RAD51B: variants seen among roughly 807,000 people sequenced by gnomAD.
RAD51B encodes DNA repair protein RAD51 homolog 2.
Under a neutral mutation model 42.2 loss-of-function variants are expected in RAD51B, and 38 were observed. That is an observed-to-expected ratio of 0.90 (90% CI 0.70 to 1.18). RAD51B has a LOEUF of 1.18. Ranked by LOEUF, RAD51B falls within the 50% of genes most tolerant of loss-of-function variation. The pLI is 0.00. For synonymous variants in RAD51B, 154 were observed against 145.2 expected, an observed-to-expected ratio of 1.06 and a Z score of -0.43; for missense variants, 373 against 400.7, an observed-to-expected ratio of 0.93 and a Z score of 0.59.
At chr14:67,965,267 T>C (rs1284170165) in intron 7 of RAD51B, among the ~76,000 whole-genome samples, 2 of 152,214 alleles carry the variant, frequency 1.3e-5, no homozygotes, top group East Asian at 3.8e-4. Context: ...TCCCTTGGTC[T>C]TCACAACCAA....
At chr14:68,275,029 ATCT>A (rs530578164) in intron 7 of RAD51B, among the ~76,000 whole-genome samples, 122 of 152,308 alleles carry the variant, frequency 8.0e-4, no homozygotes, top group African/African-American at 2.6e-3. Flanking sequence ...TGGCAGCCTG[ATCT>A]TCTTCCCATG....
At chr14:68,558,596 G>A (rs1417468489) in intron 10 of RAD51B, among the ~76,000 whole-genome samples, 1 of 152,118 alleles carries the variant, frequency 6.6e-6, no homozygotes, top group South Asian at 2.1e-4. Context: ...TCCCGTCACT[G>A]CTGTCATCTT....
At chr14:67,989,513 C>CA (rs2075252498) in intron 7 of RAD51B, among the ~76,000 whole-genome samples, 1 of 151,760 alleles carries the variant, frequency 6.6e-6, no homozygotes, top group Admixed American at 6.6e-5. Context: ...TGGCACATGC[C>CA]AGTAATCCCA....
intron 9 of RAD51B, among the ~76,000 whole-genome samples, chr14:68,428,570 T>C (rs1238143533): frequency 6.6e-6 from 1 of 151,790 alleles, no homozygotes; most frequent in East Asian, 1.9e-4. Context: ...TTCATCATTC[T>C]ACTCTGTTTC....
chr14:67,887,215 C>G lies in RAD51B; in HGVS notation c.756+11C>G, dbSNP rs2043085962. The G allele has an allele frequency of 6.4e-7, 1 of 1,570,434 alleles. No homozygotes were observed. Among genetic ancestry groups the G allele is most frequent in the African/African-American group, 1.4e-5 (1 of 73,264 alleles). ...GAGTTTTCAATCCCAGTAAGTTTTTCTTTTTTTCTCTTTTTTCTTTTCCTT... is the reference window on the plus strand; with the variant it reads ...GAGTTTTCAATCCCAGTAAGTTTTTGTTTTTTTCTCTTTTTTCTTTTCCTT... On this transcript the variant is annotated intron_variant, in intron 7 of 10. Coordinates refer to ENST00000471583, the MANE Select transcript of RAD51B (RefSeq NM_133510.4).
chr14:67,940,041 T>A lies in RAD51B; in HGVS notation c.756+52837T>A, dbSNP rs1423920631. Reference sequence around the variant, plus strand: ...ATAGATGCATATATATATATATATATATATATATATATATTTTTTTTTTTT... The same window carrying A: ...ATAGATGCATATATATATATATATAAATATATATATATATTTTTTTTTTTT... On this transcript the variant is annotated intron_variant, in intron 7 of 10. Transcript: ENST00000471583. Among the ~76,000 whole-genome samples, 3 of 13,582 alleles carry A rather than the reference T, an allele frequency of 2.2e-4. No homozygotes were observed. The Admixed American group carries it at 2.3e-3, about 10-fold the overall frequency. 8.9% of individuals were successfully genotyped at this position (13,582 alleles called of 152,430 possible). A position where few individuals can be genotyped will look rare whatever the true frequency, so the allele number is the denominator to read the frequency against.
rs554405997 is a variant in RAD51B, at chr14:68,573,426, C to A, written c.1037-21059C>A. Among the ~76,000 whole-genome samples the A allele has an allele frequency of 4.6e-5, 7 of 152,322 alleles. No individual in the cohort carries two copies. In the South Asian group the frequency reaches 1.5e-3, roughly 32 times the overall value. On this transcript the variant is annotated intron_variant, in intron 10 of 10. Transcript: ENST00000487270. ...TGGATTGCTCCCTGCCTCCTCACTG[C>A]CCATACTTGGCCCATTCCTTTCTTA...
chr14:68,446,271 AC>A (rs916329151), intron 9 of RAD51B, among the ~76,000 whole-genome samples: 1 of 152,218 alleles, frequency 6.6e-6, no homozygotes, highest in Non-Finnish European at 1.5e-5. Context: ...TGAAGTTAAA[AC>A]AACTAGTAAA....
chr14:67,903,352 T>C (rs1444808058), intron 7 of RAD51B, among the ~76,000 whole-genome samples: 1 of 152,188 alleles, frequency 6.6e-6, no homozygotes, highest in East Asian at 1.9e-4. Context: ...CTAGAACTTC[T>C]TTCTGAAGTG....
At chr14:68,574,917 G>A (rs1036495653) in intron 10 of RAD51B, among the ~76,000 whole-genome samples, 2 of 152,194 alleles carry the variant, frequency 1.3e-5, no homozygotes, top group African/African-American at 2.4e-5. Flanking sequence ...AATAAGCCCA[G>A]GAGCAAGAGA....
chr14:68,638,427 A>AG (rs1180801024), intron 10 of RAD51B, among the ~76,000 whole-genome samples: 5 of 152,174 alleles, frequency 3.3e-5, no homozygotes, highest in Non-Finnish European at 5.9e-5. Flanking sequence ...TTTTTAAGAG[A>AG]GGGAAAAAAA....
chr14:67,954,735 T>G (rs1165485305), intron 7 of RAD51B, among the ~76,000 whole-genome samples: 1 of 152,084 alleles, frequency 6.6e-6, no homozygotes, highest in East Asian at 1.9e-4. Context: ...ATCACTAGGG[T>G]CAAGGGAAGA....
intron 7 of RAD51B, among the ~76,000 whole-genome samples, chr14:68,284,578 C>A (rs2081379614): frequency 6.6e-6 from 1 of 152,146 alleles, no homozygotes; most frequent in African/African-American, 2.4e-5. Context: ...GGCCTCTTCT[C>A]CACAAATATT....
At position 68,662,693 on chromosome 14, in the gene RAD51B, C is replaced by G. The variant is rs576891012; in HGVS notation, c.*11+11837C>G. 4.6e-5 allele frequency among the ~76,000 whole-genome samples: 7 copies of G among 152,366 alleles called. No homozygotes were observed. The East Asian group carries it at 5.8e-4, about 13-fold the overall frequency. ...CCTGTCTCCTCCCTCCAAAAAAGTA[C>G]AGTGAGTAGTCATCTTTTTTCTTGG... is the stretch of plus-strand genomic sequence containing the variant. On this transcript the variant is annotated intron_variant, in intron 11 of 11. Coordinates refer to the RAD51B transcript ENST00000488612.
chr14:68,056,033 G>A (rs1595334483), intron 7 of RAD51B, among the ~76,000 whole-genome samples: 2 of 152,192 alleles, frequency 1.3e-5, no homozygotes, highest in South Asian at 2.1e-4. Context: ...TGCTAAAATG[G>A]TCCTCAATGA....
chr14:68,584,015 G>A (rs911667085), intron 10 of RAD51B, among the ~76,000 whole-genome samples: 1 of 152,122 alleles, frequency 6.6e-6, no homozygotes, highest in Non-Finnish European at 1.5e-5. Flanking sequence ...AATGAAAACC[G>A]GAGGAAGGAG....
rs556195261 is a variant in RAD51B at position 67,976,062 on chromosome 14, C to T, written c.756+88858C>T. On this transcript the variant is annotated intron_variant, in intron 7 of 10. Coordinates refer to ENST00000471583, the MANE Select transcript of RAD51B (RefSeq NM_133510.4). ...ACCTCTTTCATAAACCCAGTTTGGA[C>T]TTTTCTGGCCCACTCCAGTTGTTTT... Among the ~76,000 whole-genome samples, 31 of 150,524 alleles carry T rather than the reference C, an allele frequency of 2.1e-4. No individual in the cohort carries two copies. In the South Asian group the frequency reaches 6.5e-3, roughly 31 times the overall value.
chr14:67,990,907 T>C (rs887219577), intron 7 of RAD51B, among the ~76,000 whole-genome samples: 2 of 152,220 alleles, frequency 1.3e-5, no homozygotes, highest in Non-Finnish European at 2.9e-5. Flanking sequence ...GATTTTATTA[T>C]AGCATTTGTT....
chr14:68,572,511 C>A (rs1208495637), intron 10 of RAD51B, among the ~76,000 whole-genome samples: 1 of 152,226 alleles, frequency 6.6e-6, no homozygotes, highest in East Asian at 1.9e-4. Flanking sequence ...CTTGGCAAAG[C>A]CCCTTGTTTT....
Sources: gnomAD v4.1 joint callset for allele counts (sites outside exome capture counted in the v4.1 genomes callset) on GRCh38, gnomAD v4.1.1 for gene constraint, MANE v1.5 for transcripts, NCBI Gene and HGNC (gene_info 2026-07-23, HGNC 2026-07-21) for gene names.